PKP4: variants seen among roughly 807,000 people sequenced by gnomAD.
The protein encoded by PKP4 is plakophilin-4.
Under a neutral mutation model 145.1 loss-of-function variants are expected in PKP4, and 90 were observed. The observed-to-expected ratio is 0.62, with a 90% confidence interval of 0.52 to 0.74. PKP4 has a LOEUF of 0.74. Ranked by LOEUF, PKP4 falls within the 30% of genes least tolerant of loss-of-function variation. PKP4 has a pLI of 0.00. For synonymous variants in PKP4, 563 were observed against 577.2 expected, an observed-to-expected ratio of 0.98 and a Z score of 0.35; for missense variants, 1,340 against 1,482.7, an observed-to-expected ratio of 0.90 and a Z score of 1.58.
chr2:158,474,822 A>C lies in PKP4; in HGVS notation c.-6+17604A>C, dbSNP rs189286745. Among the ~76,000 whole-genome samples the C allele has an allele frequency of 1.9e-3, 282 of 152,278 alleles. 5 individuals are homozygous for C. The highest frequency in any genetic ancestry group is 0.016 in the Admixed American group (252 of 15,294). On this transcript the variant is annotated intron_variant, in intron 1 of 21. Transcript: ENST00000389759. ...TCTGGCCAATCTTTTTAAAATTAGC[A>C]TCAGGGGAGGTCCATGTAGAAGAGC... is the stretch of plus-strand genomic sequence containing the variant.
At chr2:158,594,374 G>C (rs1451656015) in intron 3 of PKP4, among the ~76,000 whole-genome samples, 1 of 152,186 alleles carries the variant, frequency 6.6e-6, no homozygotes, top group East Asian at 1.9e-4. Context: ...GTTATGCCTT[G>C]CTTAGTTCAA....
intron 1 of PKP4, among the ~76,000 whole-genome samples, chr2:158,466,602 G>A (rs1366697279): frequency 6.6e-6 from 1 of 152,136 alleles, no homozygotes; most frequent in African/African-American, 2.4e-5. Flanking sequence ...CTACTTGGGA[G>A]GCTGAGGTGA....
intron 9 of PKP4, among the ~76,000 whole-genome samples, chr2:158,635,976 A>G (rs2053774694): frequency 6.6e-6 from 1 of 152,202 alleles, no homozygotes; most frequent in South Asian, 2.1e-4. Flanking sequence ...ATGCTACATT[A>G]CAGTTGGCCT....
rs778987200 is a variant in PKP4 at position 158,625,054 on chromosome 2, A to T, written c.780A>T (p.Ala260=). The change falls in exon 7 of 22, where the codon GCA becomes GCT. Residue 260 remains alanine (A), a synonymous_variant. Transcript: ENST00000389759. ...ACCCCCGACCTCTGAACCCCAGTGCATATTCCTCCACCACATTACCTGCTG... is the reference window on the plus strand; with the variant it reads ...ACCCCCGACCTCTGAACCCCAGTGCTTATTCCTCCACCACATTACCTGCTG... ...VTDPRPLNPS[A]YSSTTLPAAR... is the part of the protein sequence containing the mutation. 3.1e-6 allele frequency: 5 copies of T among 1,614,154 alleles called. No homozygotes were observed. In the Admixed American group the frequency reaches 8.3e-5, roughly 27 times the overall value.
intron 1 of PKP4, among the ~76,000 whole-genome samples, chr2:158,490,292 A>G (rs1385179320): frequency 6.6e-6 from 1 of 151,698 alleles, no homozygotes; most frequent in Non-Finnish European, 1.5e-5. Context: ...TTTGTTGTCC[A>G]TCTTTCCTGC....
chr2:158,495,865 A>G (rs1245643687), intron 1 of PKP4, among the ~76,000 whole-genome samples: 1 of 112,726 alleles, frequency 8.9e-6, no homozygotes, highest in Non-Finnish European at 2.0e-5. Flanking sequence ...AAATAAATAA[A>G]TAAATAAATA....
chr2:158,675,837 C>T (rs1174599692), intron 19 of PKP4, among the ~76,000 whole-genome samples: 2 of 152,128 alleles, frequency 1.3e-5, no homozygotes, highest in African/African-American at 2.4e-5. Context: ...CCTCTGAAAG[C>T]GTCAATTTAT....
At chr2:158,661,201 C>A in intron 12 of PKP4, 132 bp from the exon 13 acceptor site, 1 of 614,212 alleles carries the variant, frequency 1.6e-6, no homozygotes, top group Non-Finnish European at 2.9e-6. Flanking sequence ...ACCATGCAAG[C>A]CCCCAGTGCC....
Position 158,669,889 on chromosome 2 carries a change from G to A in PKP4, c.2898G>A (p.Val966=). 2 of 1,612,558 alleles carry A rather than the reference G, an allele frequency of 1.2e-6. No homozygotes were observed. The highest frequency in any genetic ancestry group is 1.3e-5 in the African/African-American group (1 of 74,980). ...LADSGGIEKL[V]NITKGRGDRS... is the part of the protein sequence containing the mutation. ...ACTCAGGAGGCATAGAGAAGCTGGT[G>A]AACATAACCAAAGGCAGGGGCGACA... The change falls in exon 17 of 22, where the codon GTG becomes GTA. Residue 966 remains valine (V), a synonymous_variant. Coordinates refer to ENST00000389759, the MANE Select transcript of PKP4 (RefSeq NM_003628.6).
chr2:158,523,683 T>G (rs916354845), intron 1 of PKP4, among the ~76,000 whole-genome samples: 1 of 133,840 alleles, frequency 7.5e-6, no homozygotes, highest in African/African-American at 3.1e-5. Context: ...CAAATTACTC[T>G]GAGCTACGGG....
chr2:158,670,019 T>C, intron 17 of PKP4, 104 bp downstream of exon 17: 1 of 907,106 alleles, frequency 1.1e-6, no homozygotes, highest in Non-Finnish European at 1.6e-6. Flanking sequence ...GGATTTATTT[T>C]TGCATTTCTT....
intron 7 of PKP4, among the ~76,000 whole-genome samples, chr2:158,628,564 C>T (rs923703939): frequency 6.6e-6 from 1 of 152,144 alleles, no homozygotes; most frequent in Non-Finnish European, 1.5e-5. Flanking sequence ...TCTTTTATTT[C>T]CCATTATAGC....
Position 158,621,425 on chromosome 2 carries a change from A to T in PKP4, c.603+4A>T, listed in dbSNP as rs751182798. The T allele has an allele frequency of 1.2e-6, 2 of 1,612,442 alleles. No homozygotes were observed. The highest frequency in any genetic ancestry group is 1.7e-6 in the Non-Finnish European group (2 of 1,178,516). ...TGAAGGACAAACACTGGTTCAGGTAAGCCAAACGCATCAAGATCTCTGCAA... is the reference window on the plus strand; with the variant it reads ...TGAAGGACAAACACTGGTTCAGGTATGCCAAACGCATCAAGATCTCTGCAA... On this transcript the variant is annotated splice_donor_region_variant and intron_variant, in intron 6 of 21. Transcript: ENST00000389759.
At chr2:158,500,684 G>A (rs557101936) in intron 1 of PKP4, among the ~76,000 whole-genome samples, 33 of 152,322 alleles carry the variant, frequency 2.2e-4, no homozygotes, top group Middle Eastern at 3.4e-3. Flanking sequence ...TACATTGTTG[G>A]CCTACAGCTA....
At chr2:158,569,761 A>G (rs1342411325) in intron 2 of PKP4, among the ~76,000 whole-genome samples, 1 of 152,156 alleles carries the variant, frequency 6.6e-6, no homozygotes, top group Non-Finnish European at 1.5e-5. Context: ...CAATAAATCA[A>G]AGAAGTGCTG....
At chr2:158,528,668 T>C (rs1255157434) in intron 1 of PKP4, among the ~76,000 whole-genome samples, 2 of 20,010 alleles carry the variant, frequency 1.0e-4, no homozygotes, top group Non-Finnish European at 2.2e-4. Flanking sequence ...ACTTACTAAA[T>C]GAAAAAAAAA....
At chr2:158,560,232 G>C (rs1266159515) in intron 2 of PKP4, among the ~76,000 whole-genome samples, 3 of 152,184 alleles carry the variant, frequency 2.0e-5, no homozygotes, top group Admixed American at 2.0e-4. Flanking sequence ...ATTTTGTAAG[G>C]GTTGTAAGAG....
chr2:158,543,202 A>G (rs2044677330), intron 2 of PKP4, among the ~76,000 whole-genome samples: 1 of 152,180 alleles, frequency 6.6e-6, no homozygotes, highest in African/African-American at 2.4e-5. Context: ...ATACGTACAA[A>G]TCGAGCATCT....
At chr2:158,496,493 T>C (rs1031238028) in intron 1 of PKP4, among the ~76,000 whole-genome samples, 3 of 152,168 alleles carry the variant, frequency 2.0e-5, no homozygotes, top group Non-Finnish European at 4.4e-5. Context: ...CCTGTAAACA[T>C]TCTTTTTCCT....
Sources: gnomAD v4.1 joint callset for allele counts (sites outside exome capture counted in the v4.1 genomes callset) on GRCh38, gnomAD v4.1.1 for gene constraint, MANE v1.5 for transcripts, NCBI Gene and HGNC (gene_info 2026-07-23, HGNC 2026-07-21) for gene names.